Variants in KLHL13 observed in about 807,000 individuals in gnomAD.
The protein encoded by KLHL13 is kelch-like protein 13.
A neutral mutation model predicts 37.1 loss-of-function variants in KLHL13; 10 were observed. The ratio of observed to expected loss-of-function variants is 0.27; its 90% CI spans 0.17 to 0.46. KLHL13 has a LOEUF of 0.46. Among genes scored for constraint, KLHL13 ranks in the 20% least tolerant of loss-of-function variants. The pLI, the probability that KLHL13 is intolerant of heterozygous loss-of-function variation, is 1.00. For missense variants in KLHL13, 360 were observed against 509.3 expected, an observed-to-expected ratio of 0.71 and a Z score of 2.82; for synonymous variants, 163 against 181.2, an observed-to-expected ratio of 0.90 and a Z score of 0.81.
chrX:117,936,506 T>C (rs1932766657), intron 2 of KLHL13, among the ~76,000 whole-genome samples: 1 of 112,151 alleles, frequency 8.9e-6, no homozygotes, highest in African/African-American at 3.2e-5. Context: ...CACATATTAA[T>C]ACATAATCAT....
chrX:118,103,790 G>C (rs1483310196), intron 1 of KLHL13, among the ~76,000 whole-genome samples: 1 of 111,005 alleles, frequency 9.0e-6, no homozygotes, highest in African/African-American at 3.3e-5. Context: ...CAGAAACACA[G>C]TCCTTGACTA....
At position 118,053,955 on chromosome X, in the gene KLHL13, T is replaced by G. The variant is rs186972333; in HGVS notation, c.-56+62553A>C. Among the ~76,000 whole-genome samples the G allele has an allele frequency of 5.5e-3, 582 of 106,083 alleles. 2 individuals carry two copies. Among genetic ancestry groups the G allele is most frequent in the Non-Finnish European group, 9.1e-3 (471 of 51,617 alleles). 92.1% of individuals were successfully genotyped at this position (106,083 alleles called of 115,157 possible). ...ACACCTCTCAGGGTCCTAGTTACCATGGAAAATCCTATTTCTCCCACAATA... is the reference window on the plus strand; with the variant it reads ...ACACCTCTCAGGGTCCTAGTTACCAGGGAAAATCCTATTTCTCCCACAATA... On this transcript the variant is annotated intron_variant, in intron 1 of 6. Transcript: ENST00000371882.
chrX:118,090,534 T>C (rs1299914949), intron 1 of KLHL13, among the ~76,000 whole-genome samples: 1 of 111,563 alleles, frequency 9.0e-6, no homozygotes, highest in Non-Finnish European at 1.9e-5. Context: ...AAAATGCTCA[T>C]CATCACTGGC....
Position 118,112,597 on chromosome X carries a change from T to C in KLHL13, c.-56+3911A>G, listed in dbSNP as rs900890010. ...ACTGGGGAAAATCAGTTTAAACCAA[T>C]AGAGATTTGTGAAAGGGAATAATAA... On this transcript the variant is annotated intron_variant, in intron 1 of 6. Coordinates refer to the KLHL13 transcript ENST00000371882. 1.2e-4 allele frequency among the ~76,000 whole-genome samples: 13 copies of C among 111,944 alleles called. 1 individual carries two copies. Among genetic ancestry groups the C allele is most frequent in the Admixed American group, 3.8e-4 (4 of 10,553 alleles).
chrX:117,921,615 C>A (rs1480733201), intron 2 of KLHL13, among the ~76,000 whole-genome samples: 2 of 111,986 alleles, frequency 1.8e-5, no homozygotes, highest in African/African-American at 6.5e-5. Flanking sequence ...GCATTGATTA[C>A]TCTGTCCCCT....
chrX:118,085,159 T>A (rs2055039822), intron 1 of KLHL13, among the ~76,000 whole-genome samples: 1 of 111,084 alleles, frequency 9.0e-6, no homozygotes, highest in Non-Finnish European at 1.9e-5. Flanking sequence ...TGAATAAACA[T>A]AAGTAGTAGT....
chrX:117,949,255 A>G (rs1933468318), intron 1 of KLHL13, among the ~76,000 whole-genome samples: 1 of 112,312 alleles, frequency 8.9e-6, no homozygotes, highest in Admixed American at 9.4e-5. Flanking sequence ...TACTGTCTGC[A>G]TAGAATTGTT....
chrX:118,014,189 T>C (rs1259871071), intron 1 of KLHL13, among the ~76,000 whole-genome samples: 4 of 111,811 alleles, frequency 3.6e-5, no homozygotes, highest in Non-Finnish European at 7.5e-5. Context: ...AGAGAGCCTA[T>C]AGATGGAAGT....
intron 1 of KLHL13, among the ~76,000 whole-genome samples, chrX:117,998,922 AAAC>A (rs763451287): frequency 4.5e-5 from 5 of 110,496 alleles, no homozygotes; most frequent in South Asian, 7.6e-4. Flanking sequence ...AATTTTATAT[AAAC>A]AACTATATGA....
At chrX:117,915,162 A>C (rs1931260903) in intron 4 of KLHL13, among the ~76,000 whole-genome samples, 1 of 112,027 alleles carries the variant, frequency 8.9e-6, no homozygotes, top group African/African-American at 3.2e-5. Context: ...AAGTGAAAAA[A>C]AAATCTTAAA....
At chrX:118,018,332 T>C (rs1002614700) in intron 1 of KLHL13, among the ~76,000 whole-genome samples, 3 of 111,856 alleles carry the variant, frequency 2.7e-5, no homozygotes, top group Non-Finnish European at 5.7e-5. Flanking sequence ...GTAGAAGAAC[T>C]CATCACTTTT....
intron 1 of KLHL13, among the ~76,000 whole-genome samples, chrX:118,051,217 C>T (rs2054609373): frequency 9.1e-6 from 1 of 110,033 alleles, no homozygotes; most frequent in Non-Finnish European, 1.9e-5. Flanking sequence ...TACAAATGTG[C>T]TTTAAAAGAT....
At chrX:118,051,311 T>C (rs1410322293) in intron 1 of KLHL13, among the ~76,000 whole-genome samples, 2 of 109,830 alleles carry the variant, frequency 1.8e-5, no homozygotes, top group Admixed American at 2.0e-4. Flanking sequence ...GAGGCTGAGG[T>C]GGGCAGATCA....
chrX:118,004,605 C>T, intron 1 of KLHL13, among the ~76,000 whole-genome samples: 1 of 111,833 alleles, frequency 8.9e-6, no homozygotes, highest in Non-Finnish European at 1.9e-5. Flanking sequence ...AGGATTATAA[C>T]AATAAAATAG....
intron 1 of KLHL13, among the ~76,000 whole-genome samples, chrX:118,096,325 C>G (rs935970835): frequency 2.7e-5 from 3 of 111,854 alleles, no homozygotes; most frequent in Non-Finnish European, 3.8e-5. Context: ...ACTAGAAAAT[C>G]TAGAAGAAAA....
chrX:117,964,268 G>A (rs889702417), intron 1 of KLHL13, among the ~76,000 whole-genome samples: 7 of 111,711 alleles, frequency 6.3e-5, no homozygotes, highest in African/African-American at 2.3e-4. Context: ...TCCAGTTCAA[G>A]TCTCCTCATT....
chrX:117,951,603 A>G (rs1933606909), intron 1 of KLHL13, among the ~76,000 whole-genome samples: 1 of 111,905 alleles, frequency 8.9e-6, no homozygotes, highest in Non-Finnish European at 1.9e-5. Context: ...GAGATTTTAT[A>G]AAATAGCTGC....
chrX:118,103,638 T>C (rs1232559864), intron 1 of KLHL13, among the ~76,000 whole-genome samples: 1 of 111,532 alleles, frequency 9.0e-6, no homozygotes, highest in Non-Finnish European at 1.9e-5. Flanking sequence ...CTGAAGGTCA[T>C]TTTTTAATAA....
intron 1 of KLHL13, among the ~76,000 whole-genome samples, chrX:117,964,641 C>G (rs149656776): frequency 0.062 from 6,918 of 111,046 alleles, 542 homozygotes; most frequent in African/African-American, 0.21. Flanking sequence ...CAACGTGCAG[C>G]TTTGTTACAT....
Sources: allele counts gnomAD v4.1 joint callset (sites outside exome capture counted in the v4.1 genomes callset), GRCh38; gene constraint gnomAD v4.1.1; transcripts MANE v1.5; gene names NCBI Gene and HGNC (gene_info 2026-07-23, HGNC 2026-07-21).